The following RPS6KC1 variants were observed in gnomAD, a reference collection of about 807,000 sequenced individuals.
RPS6KC1 encodes ribosomal protein S6 kinase C1, also known as inactive ribosomal protein S6 kinase delta-1.
In RPS6KC1, 54 loss-of-function variants were observed where a neutral mutation model predicts 103.8. That is an observed-to-expected ratio of 0.52 (90% CI 0.42 to 0.65). RPS6KC1 has a LOEUF of 0.65. RPS6KC1 is among the 30% of genes least tolerant of loss of function. The pLI is 0.00. For missense variants in RPS6KC1, 1,151 were observed against 1,253.8 expected, an observed-to-expected ratio of 0.92 and a Z score of 1.24; for synonymous variants, 439 against 438.7, an observed-to-expected ratio of 1.00 and a Z score of -0.01.
chr1:213,307,528 C>A, the RPS6KC1 span, among the ~76,000 whole-genome samples: 1 of 152,282 alleles, frequency 6.6e-6, no homozygotes, highest in South Asian at 2.1e-4. Flanking sequence ...TATTTTCATT[C>A]TTAAAGTCCC....
intron 3 of RPS6KC1, among the ~76,000 whole-genome samples, chr1:213,089,107 A>AT (rs1158738861): frequency 6.6e-6 from 1 of 152,248 alleles, no homozygotes; most frequent in Non-Finnish European, 1.5e-5. Flanking sequence ...GCACATAATA[A>AT]AAAGAAAAAC....
intron 8 of RPS6KC1, 50 bp downstream of exon 8, chr1:213,176,542 C>T: frequency 8.2e-7 from 1 of 1,212,894 alleles, no homozygotes; most frequent in Non-Finnish European, 1.2e-6. Flanking sequence ...CGACTGCATG[C>T]TGACATTCTG....
chr1:213,685,921 C>G, the RPS6KC1 span, among the ~76,000 whole-genome samples: 2 of 152,144 alleles, frequency 1.3e-5, no homozygotes, highest in Non-Finnish European at 2.9e-5. Flanking sequence ...TGGGAACAAG[C>G]ATTTAGATGC....
At chr1:213,594,548 G>A in the RPS6KC1 span, among the ~76,000 whole-genome samples, 9 of 152,132 alleles carry the variant, frequency 5.9e-5, no homozygotes, top group African/African-American at 1.7e-4. Context: ...ATTTGAAACT[G>A]ACTTTTAATC....
chr1:213,772,693 T>C, the RPS6KC1 span, among the ~76,000 whole-genome samples: 1 of 146,382 alleles, frequency 6.8e-6, no homozygotes, highest in Non-Finnish European at 1.5e-5. Context: ...TGAATCACAA[T>C]GCCGGGGATG....
At chr1:213,492,575 G>A in the RPS6KC1 span, 4 of 152,238 alleles carry the variant, frequency 2.6e-5, no homozygotes, top group African/African-American at 7.2e-5. Flanking sequence ...CTACGAAGGA[G>A]GTAAGTGTTT....
At chr1:213,180,009 T>C (rs2092162555) in intron 8 of RPS6KC1, among the ~76,000 whole-genome samples, 1 of 152,216 alleles carries the variant, frequency 6.6e-6, no homozygotes, top group African/African-American at 2.4e-5. Context: ...CCCAGAGGGA[T>C]AGTAATTCCA....
the RPS6KC1 span, among the ~76,000 whole-genome samples, chr1:213,810,430 G>A: frequency 1.3e-5 from 2 of 152,292 alleles, no homozygotes; most frequent in South Asian, 4.1e-4. Flanking sequence ...GCCTGGCAAT[G>A]GTCCCTGGGT....
At chr1:213,568,591 A>G in the RPS6KC1 span, among the ~76,000 whole-genome samples, 2 of 152,250 alleles carry the variant, frequency 1.3e-5, no homozygotes, top group African/African-American at 4.8e-5. Flanking sequence ...AATGTTCTCC[A>G]GGGCTAGGTA....
the RPS6KC1 span, among the ~76,000 whole-genome samples, chr1:213,555,570 C>T: frequency 6.6e-6 from 1 of 152,148 alleles, no homozygotes; most frequent in Non-Finnish European, 1.5e-5. Context: ...CCATCTCTGC[C>T]TTCTGAGTAG....
At chr1:213,462,301 C>T in the RPS6KC1 span, among the ~76,000 whole-genome samples, 64 of 152,306 alleles carry the variant, frequency 4.2e-4, 1 homozygote, top group African/African-American at 1.4e-3. Context: ...TGCTTTTACA[C>T]TGTTGGTGGG....
chr1:213,085,649 T>G (rs1358176995), intron 3 of RPS6KC1, among the ~76,000 whole-genome samples: 1 of 152,202 alleles, frequency 6.6e-6, no homozygotes, highest in Non-Finnish European at 1.5e-5. Flanking sequence ...TTACCCTTCC[T>G]TCTCCCTTTA....
At chr1:213,276,531 G>C (rs943535839), downstream of RPS6KC1, among the ~76,000 whole-genome samples, 3 of 152,144 alleles carry the variant, frequency 2.0e-5, no homozygotes, top group African/African-American at 7.2e-5. Flanking sequence ...TAGAATGAGA[G>C]GGTAGGTGAG....
the RPS6KC1 span, among the ~76,000 whole-genome samples, chr1:213,577,535 T>C: frequency 6.6e-6 from 1 of 152,148 alleles, no homozygotes; most frequent in African/African-American, 2.4e-5. Context: ...TGTGGGAAAG[T>C]TTGGAGCTTC....
At chr1:213,481,425 G>A in the RPS6KC1 span, among the ~76,000 whole-genome samples, 8 of 152,188 alleles carry the variant, frequency 5.3e-5, no homozygotes, top group Non-Finnish European at 1.2e-4. Flanking sequence ...AAATTTTAAA[G>A]GAGGTGGACC....
At chr1:213,600,019 C>A in the RPS6KC1 span, among the ~76,000 whole-genome samples, 1 of 152,002 alleles carries the variant, frequency 6.6e-6, no homozygotes, top group Non-Finnish European at 1.5e-5. Flanking sequence ...GGTTGGTTTC[C>A]CTCTTGCTAT....
At chr1:213,575,195 G>A in the RPS6KC1 span, among the ~76,000 whole-genome samples, 1 of 150,746 alleles carries the variant, frequency 6.6e-6, no homozygotes, top group Admixed American at 6.6e-5. Flanking sequence ...TGTCATGAGT[G>A]TATATATATA....
chr1:213,302,249 G>A, the RPS6KC1 span, among the ~76,000 whole-genome samples: 1 of 152,182 alleles, frequency 6.6e-6, no homozygotes, highest in South Asian at 2.1e-4. Flanking sequence ...TCCTCTGCCT[G>A]TCTATGCTTT....
intron 5 of RPS6KC1, among the ~76,000 whole-genome samples, chr1:213,118,886 T>TTG (rs1342897077): frequency 2.6e-5 from 4 of 152,044 alleles, no homozygotes; most frequent in East Asian, 1.9e-4. Flanking sequence ...ATTATTTTTT[T>TTG]TGTGTGTGTG....
Sources: gnomAD v4.1 joint callset for allele counts (sites outside exome capture counted in the v4.1 genomes callset) on GRCh38, gnomAD v4.1.1 for gene constraint, MANE v1.5 for transcripts, NCBI Gene and HGNC (gene_info 2026-07-23, HGNC 2026-07-21) for gene names.